Variants in PPFIA2 observed in about 807,000 individuals in gnomAD.
PPFIA2 encodes PPFI scaffold protein A2.
PPFIA2 carries 46 observed loss-of-function variants against 175.5 expected under a neutral mutation model. The observed-to-expected ratio is 0.26, with a 90% CI of 0.21 to 0.34. The LOEUF (loss-of-function observed/expected upper bound fraction) is 0.34, where lower values mean the gene tolerates loss of function less well. PPFIA2 is among the 10% of genes least tolerant of loss of function. The probability of loss-of-function intolerance (pLI) is 1.00; values close to 1 mark genes in which losing one functional copy is unlikely to be tolerated. For missense variants in PPFIA2, 1,179 were observed against 1,506.1 expected (o/e 0.78, Z 3.60); for synonymous variants, 568 against 511.4 (o/e 1.11, Z -1.49).
intron 4 of PPFIA2, among the ~76,000 whole-genome samples, chr12:81,576,229 A>G (rs2153421526): frequency 6.6e-6 from 1 of 151,854 alleles, no homozygotes; most frequent in East Asian, 2.0e-4. Flanking sequence ...AGCAGTACCT[A>G]TCATAGATGT....
chr12:81,374,525 A>G (rs570883520), intron 11 of PPFIA2, 109 bp downstream of exon 11: 1 of 1,318,986 alleles, frequency 7.6e-7, no homozygotes, highest in South Asian at 1.7e-5. Context: ...TATAATAGAG[A>G]TTAAACTTAA....
chr12:81,383,677 A>G (rs1258272808), intron 9 of PPFIA2, among the ~76,000 whole-genome samples: 2 of 152,184 alleles, frequency 1.3e-5, no homozygotes, highest in Non-Finnish European at 2.9e-5. Context: ...TTTTTGTAGT[A>G]TTCCTATATG....
chr12:81,308,741 G>A lies in PPFIA2; in HGVS notation c.2643-9359C>T, dbSNP rs570602645. Among the ~76,000 whole-genome samples, 8 of 152,166 alleles carry A rather than the reference G, an allele frequency of 5.3e-5. No homozygotes were observed. The South Asian group carries it at 1.0e-3, about 20-fold the overall frequency. ...TCCTCAGCATTATAAAAGAACAAAC[G>A]AACTGTGGCTTTTCTTTTCTTGTTA... On this transcript the variant is annotated intron_variant, in intron 22 of 32. Coordinates refer to ENST00000549396, the MANE Select transcript of PPFIA2 (RefSeq NM_003625.5).
chr12:81,448,536 T>C (rs1302371394), intron 5 of PPFIA2, among the ~76,000 whole-genome samples: 1 of 152,236 alleles, frequency 6.6e-6, no homozygotes, highest in Non-Finnish European at 1.5e-5. Context: ...TGAGCTCAAG[T>C]GAAAGTCAAA....
At chr12:81,263,520 G>A (rs1036202622) in intron 30 of PPFIA2, 130 bp from the exon 31 acceptor site, 14 of 681,222 alleles carry the variant, frequency 2.1e-5, no homozygotes, top group East Asian at 8.8e-5. Flanking sequence ...ATGGAATCAC[G>A]CTTTATCAAG....
chr12:81,402,865 A>T (rs951355295), intron 8 of PPFIA2, among the ~76,000 whole-genome samples: 13 of 152,174 alleles, frequency 8.5e-5, no homozygotes, highest in South Asian at 4.1e-4. Context: ...AAATAAATTT[A>T]AAAATGTGGC....
chr12:81,659,839 T>G (rs560487377), intron 4 of PPFIA2, among the ~76,000 whole-genome samples: 1 of 152,208 alleles, frequency 6.6e-6, no homozygotes, highest in South Asian at 2.1e-4. Context: ...CACGGCCGGG[T>G]ACCCCTCTGA....
intron 4 of PPFIA2, among the ~76,000 whole-genome samples, chr12:81,605,798 G>C (rs1332922155): frequency 6.6e-6 from 1 of 151,622 alleles, no homozygotes; most frequent in Non-Finnish European, 1.5e-5. Context: ...ACAATATGTA[G>C]CAAAAATGAC....
intron 15 of PPFIA2, among the ~76,000 whole-genome samples, chr12:81,360,256 T>C (rs1289959794): frequency 6.6e-6 from 1 of 151,822 alleles, no homozygotes. Context: ...TCATTCTAGG[T>C]GTTCAGTATT....
chr12:81,497,451 T>G (rs191409967), intron 4 of PPFIA2, among the ~76,000 whole-genome samples: 29 of 149,932 alleles, frequency 1.9e-4, no homozygotes, highest in Admixed American at 1.3e-3. Flanking sequence ...TAGGAACACA[T>G]AATAGAGACA....
chr12:81,414,833 T>C (rs2044642968), intron 7 of PPFIA2, among the ~76,000 whole-genome samples: 1 of 151,640 alleles, frequency 6.6e-6, no homozygotes, highest in South Asian at 2.1e-4. Context: ...TCAGTCACAA[T>C]AGTTTGCATT....
chr12:81,567,142 G>T (rs919083600), intron 4 of PPFIA2, among the ~76,000 whole-genome samples: 2 of 152,184 alleles, frequency 1.3e-5, no homozygotes, highest in African/African-American at 4.8e-5. Flanking sequence ...TGCCTCCCGG[G>T]ATTCACGCCA....
chr12:81,720,703 C>T (rs890898043), intron 3 of PPFIA2, among the ~76,000 whole-genome samples: 1 of 151,352 alleles, frequency 6.6e-6, no homozygotes, highest in Non-Finnish European at 1.5e-5. Context: ...TATGTACAAA[C>T]ACCTTATCAA....
At chr12:81,601,644 T>C (rs907724817) in intron 4 of PPFIA2, among the ~76,000 whole-genome samples, 1 of 151,642 alleles carries the variant, frequency 6.6e-6, no homozygotes, top group Admixed American at 6.6e-5. Context: ...GCCCAAGAAG[T>C]CCTAATGGGC....
At chr12:81,534,035 G>C (rs1357454495) in intron 4 of PPFIA2, among the ~76,000 whole-genome samples, 1 of 151,558 alleles carries the variant, frequency 6.6e-6, no homozygotes, top group Non-Finnish European at 1.5e-5. Context: ...TGGATATGTA[G>C]GTCATTAGGT....
intron 4 of PPFIA2, chr12:81,545,673 GA>G (rs1230187020): frequency 6.6e-6 from 1 of 152,336 alleles, no homozygotes. Flanking sequence ...CTCAGTTGGT[GA>G]ATTTCTGACA....
intron 27 of PPFIA2, among the ~76,000 whole-genome samples, chr12:81,280,691 C>CA (rs1226242037): frequency 3.3e-5 from 5 of 151,872 alleles, no homozygotes; most frequent in African/African-American, 4.8e-5. Flanking sequence ...GAAAAAAAGA[C>CA]ATTGCCTTTT....
intron 7 of PPFIA2, among the ~76,000 whole-genome samples, chr12:81,433,297 T>C (rs1258035386): frequency 6.6e-6 from 1 of 152,196 alleles, no homozygotes; most frequent in Non-Finnish European, 1.5e-5. Context: ...TTCAAGGATA[T>C]ACTCAAATGC....
chr12:81,285,485 A>C (rs1007258497), intron 24 of PPFIA2, among the ~76,000 whole-genome samples: 4 of 152,184 alleles, frequency 2.6e-5, no homozygotes, highest in Non-Finnish European at 5.9e-5. Context: ...ATTTGATGTA[A>C]GTGAAATCTT....
Sources: allele counts gnomAD v4.1 joint callset (sites outside exome capture counted in the v4.1 genomes callset), GRCh38; gene constraint gnomAD v4.1.1; transcripts MANE v1.5; gene names NCBI Gene and HGNC (gene_info 2026-07-23, HGNC 2026-07-21).